MSRA: variants seen among roughly 807,000 people sequenced by gnomAD.
MSRA encodes methionine sulfoxide reductase A.
A neutral mutation model predicts 31.3 loss-of-function variants in MSRA; 54 were observed. The observed-to-expected ratio is 1.73, with a 90% CI of 1.39 to 2.17. The LOEUF (loss-of-function observed/expected upper bound fraction) is 2.17, where lower values mean the gene tolerates loss of function less well. Among genes scored for constraint, MSRA ranks in the 30% most tolerant of loss-of-function variants. The pLI, the probability that MSRA is intolerant of heterozygous loss-of-function variation, is 0.00. For missense variants in MSRA, 507 were observed against 300.9 expected (o/e 1.69, Z -5.07); for synonymous variants, 169 against 116.5 (o/e 1.45, Z -2.90).
intron 5 of MSRA, among the ~76,000 whole-genome samples, chr8:10,404,663 G>A (rs958391444): frequency 2.6e-5 from 4 of 152,194 alleles, no homozygotes; most frequent in African/African-American, 7.2e-5. Flanking sequence ...GCCCTCCCTC[G>A]CACACACTGA....
intron 2 of MSRA, among the ~76,000 whole-genome samples, chr8:10,222,943 A>G (rs1430523876): frequency 6.6e-6 from 1 of 152,174 alleles, no homozygotes; most frequent in Non-Finnish European, 1.5e-5. Context: ...GAAAATTGCT[A>G]AGAGAGTAGA....
intron 1 of MSRA, among the ~76,000 whole-genome samples, chr8:10,186,946 C>G (rs539222928): frequency 6.6e-4 from 100 of 152,222 alleles, no homozygotes; most frequent in South Asian, 6.2e-4. Flanking sequence ...TCAGTCATTC[C>G]GATTGTTGAT....
chr8:10,343,540 A>G (rs1803575496), intron 5 of MSRA, among the ~76,000 whole-genome samples: 1 of 152,186 alleles, frequency 6.6e-6, no homozygotes, highest in Admixed American at 6.5e-5. Flanking sequence ...TCCATTTGCA[A>G]ACTGCGTTCC....
intron 2 of MSRA, among the ~76,000 whole-genome samples, chr8:10,211,975 G>T (rs10903321): frequency 0.26 from 39,391 of 151,928 alleles, 6,759 homozygotes; most frequent in Non-Finnish European, 0.4. Context: ...ATGGAGGGCA[G>T]GGGATTCCAA....
chr8:10,247,591 C>G (rs1768442236), intron 3 of MSRA, among the ~76,000 whole-genome samples: 1 of 152,106 alleles, frequency 6.6e-6, no homozygotes, highest in Admixed American at 6.6e-5. Flanking sequence ...AGGCCTCTAG[C>G]AAGTGGTAAA....
At chr8:10,219,616 C>T (rs1585198685) in intron 2 of MSRA, among the ~76,000 whole-genome samples, 1 of 151,924 alleles carries the variant, frequency 6.6e-6, no homozygotes, top group African/African-American at 2.4e-5. Context: ...ACCATCCTGG[C>T]TAACACGGTG....
rs377461212 is a variant in MSRA at position 10,319,993 on chromosome 8, G to A, written c.543+4G>A. 71 of 1,590,122 alleles carry A rather than the reference G, an allele frequency of 4.5e-5. No individual in the cohort carries two copies. The highest frequency in any genetic ancestry group is 5.9e-5 in the Non-Finnish European group (69 of 1,166,918). ...CTCCAAAGAGAACTACCAAAAGGTAGGGATTGCTGGGCTCCTAGCCCCTGG... is the reference window on the plus strand; with the variant it reads ...CTCCAAAGAGAACTACCAAAAGGTAAGGATTGCTGGGCTCCTAGCCCCTGG... On this transcript the variant is annotated splice_donor_region_variant and intron_variant, in intron 5 of 5. Transcript: ENST00000317173.
chr8:10,410,444 C>T (rs1227944861), intron 5 of MSRA, among the ~76,000 whole-genome samples: 2 of 152,172 alleles, frequency 1.3e-5, no homozygotes, highest in Admixed American at 6.6e-5. Context: ...TGTGACATTC[C>T]GTCACATCGC....
At chr8:10,419,230 C>G (rs549211281) in intron 5 of MSRA, among the ~76,000 whole-genome samples, 1 of 152,146 alleles carries the variant, frequency 6.6e-6, no homozygotes, top group African/African-American at 2.4e-5. Flanking sequence ...ACAGAACACT[C>G]GGCATCCTGG....
At chr8:10,251,353 C>G (rs1313675167) in intron 3 of MSRA, among the ~76,000 whole-genome samples, 1 of 152,084 alleles carries the variant, frequency 6.6e-6, no homozygotes, top group Non-Finnish European at 1.5e-5. Flanking sequence ...ATGTAAAACT[C>G]ATTCTAAATT....
chr8:10,181,694 A>AT (rs1806554284), intron 1 of MSRA, among the ~76,000 whole-genome samples: 2 of 152,176 alleles, frequency 1.3e-5, no homozygotes, highest in Non-Finnish European at 2.9e-5. Flanking sequence ...TAGCAGAGGA[A>AT]ATAGATGAAC....
At chr8:10,426,041 C>T (rs1201653508) in intron 5 of MSRA, among the ~76,000 whole-genome samples, 1 of 152,206 alleles carries the variant, frequency 6.6e-6, no homozygotes, top group Non-Finnish European at 1.5e-5. Flanking sequence ...TCCACAGCCA[C>T]CTGGCATCCC....
At chr8:10,239,712 C>G (rs1029712439) in intron 2 of MSRA, among the ~76,000 whole-genome samples, 23 of 152,206 alleles carry the variant, frequency 1.5e-4, no homozygotes, top group African/African-American at 5.3e-4. Flanking sequence ...ACTAGGACCT[C>G]TAACTCTACA....
chr8:10,231,084 C>T (rs1415621419), intron 2 of MSRA, among the ~76,000 whole-genome samples: 17 of 152,134 alleles, frequency 1.1e-4, no homozygotes, highest in Non-Finnish European at 2.2e-4. Context: ...CCGCACCCAG[C>T]CTGTTCTGTA....
At chr8:10,237,825 T>C (rs762994262) in intron 2 of MSRA, among the ~76,000 whole-genome samples, 2 of 152,214 alleles carry the variant, frequency 1.3e-5, no homozygotes, top group Non-Finnish European at 2.9e-5. Context: ...GACCCATGAC[T>C]TCCTCCACCA....
chr8:10,239,628 C>T (rs1812238179), intron 2 of MSRA, among the ~76,000 whole-genome samples: 1 of 152,208 alleles, frequency 6.6e-6, no homozygotes, highest in African/African-American at 2.4e-5. Flanking sequence ...TCCCAGAGTG[C>T]CCAGGCAATA....
intron 2 of MSRA, among the ~76,000 whole-genome samples, chr8:10,243,338 C>G (rs1797436341): frequency 6.6e-6 from 1 of 152,130 alleles, no homozygotes; most frequent in Non-Finnish European, 1.5e-5. Context: ...TGAAGCTGCT[C>G]CACTCACCTA....
chr8:10,219,145 T>A (rs1455005400), intron 2 of MSRA, among the ~76,000 whole-genome samples: 2 of 152,110 alleles, frequency 1.3e-5, no homozygotes, highest in East Asian at 3.9e-4. Context: ...ATGATAGAAA[T>A]GGAGAAGCAG....
chr8:10,254,641 C>T (rs1173940471), intron 3 of MSRA, among the ~76,000 whole-genome samples: 2 of 152,204 alleles, frequency 1.3e-5, no homozygotes, highest in South Asian at 2.1e-4. Flanking sequence ...GAGACACTTG[C>T]ACAGTTAGTC....
Sources: allele counts gnomAD v4.1 joint callset (sites outside exome capture counted in the v4.1 genomes callset), GRCh38; gene constraint gnomAD v4.1.1; transcripts MANE v1.5; gene names NCBI Gene and HGNC (gene_info 2026-07-23, HGNC 2026-07-21).